Variants in SLC41A2 observed in about 807,000 individuals in gnomAD.
SLC41A2 encodes the protein SLC41A1-like 1.
SLC41A2 carries 32 observed loss-of-function variants against 58.3 expected under a neutral mutation model. The observed-to-expected ratio is 0.55, with a 90% CI of 0.41 to 0.74. SLC41A2 has a LOEUF of 0.74. Among genes scored for constraint, SLC41A2 ranks in the 30% least tolerant of loss-of-function variants. The pLI is 0.00. For synonymous variants in SLC41A2, 190 were observed against 235.0 expected (o/e 0.81, Z 1.75); for missense variants, 514 against 680.6 (o/e 0.76, Z 2.72).
intron 1 of SLC41A2, among the ~76,000 whole-genome samples, chr12:104,939,126 A>G (rs1384169156): frequency 1.3e-5 from 2 of 152,214 alleles, no homozygotes; most frequent in Non-Finnish European, 2.9e-5. Context: ...ATAGTTTACC[A>G]CTGGTTTATA....
intron 1 of SLC41A2, among the ~76,000 whole-genome samples, chr12:104,957,540 A>G (rs543469641): frequency 6.6e-6 from 1 of 152,360 alleles, no homozygotes; most frequent in Middle Eastern, 3.4e-3. Flanking sequence ...AATTGTCACT[A>G]CAAAAAAAAG....
intron 8 of SLC41A2, among the ~76,000 whole-genome samples, chr12:104,851,519 G>T (rs2042798801): frequency 6.6e-6 from 1 of 152,024 alleles, no homozygotes; most frequent in Non-Finnish European, 1.5e-5. Flanking sequence ...GCGTAGCTGG[G>T]ACTACAGGTA....
At chr12:104,807,896 G>C (rs1349586656) in intron 10 of SLC41A2, among the ~76,000 whole-genome samples, 1 of 152,138 alleles carries the variant, frequency 6.6e-6, no homozygotes, top group Non-Finnish European at 1.5e-5. Flanking sequence ...GAATGCTTGT[G>C]ATTTTTGCAC....
intron 6 of SLC41A2, among the ~76,000 whole-genome samples, chr12:104,882,680 A>G (rs1044775171): frequency 7.0e-4 from 107 of 152,340 alleles, no homozygotes; most frequent in African/African-American, 2.4e-3. Flanking sequence ...GTTTCTGCTG[A>G]GAGATCCACT....
chr12:104,814,005 T>A (rs1430232450), intron 10 of SLC41A2, among the ~76,000 whole-genome samples: 1 of 152,238 alleles, frequency 6.6e-6, no homozygotes, highest in Non-Finnish European at 1.5e-5. Context: ...TGTAACACAC[T>A]GTAAGGGTAT....
intron 10 of SLC41A2, among the ~76,000 whole-genome samples, chr12:104,832,734 A>G (rs924273391): frequency 2.0e-5 from 3 of 152,066 alleles, no homozygotes; most frequent in Non-Finnish European, 4.4e-5. Context: ...AGCAACTTAT[A>G]TCTAAGCTAA....
chr12:104,856,155 G>C (rs889048172), intron 8 of SLC41A2, among the ~76,000 whole-genome samples: 10 of 152,150 alleles, frequency 6.6e-5, no homozygotes, highest in African/African-American at 2.4e-4. Flanking sequence ...ATCTCTGGAT[G>C]AGACAATATT....
chr12:104,802,564 T>C lies in SLC41A2; in HGVS notation c.*2588A>G, dbSNP rs1166458944. ...AAAGGAGACAGAACTCTATCAGTCA[T>C]TGTATTTATTTACCAGCATTTATGG... is the stretch of plus-strand genomic sequence containing the variant. On this transcript the variant is annotated 3_prime_UTR_variant, in exon 11 of 11. Transcript: ENST00000258538. 6.6e-6 allele frequency: 1 copy of C among 152,122 alleles called. No individual in the cohort carries two copies. Among genetic ancestry groups the C allele is most frequent in the East Asian group, 1.9e-4 (1 of 5,158 alleles). 9.4% of individuals were successfully genotyped at this position (152,122 alleles called of 1,614,324 possible). A position where few individuals can be genotyped will look rare whatever the true frequency, so the allele number is the denominator to read the frequency against.
chr12:104,948,564 A>C (rs2047823042), intron 1 of SLC41A2, among the ~76,000 whole-genome samples: 1 of 152,216 alleles, frequency 6.6e-6, no homozygotes, highest in Non-Finnish European at 1.5e-5. Flanking sequence ...ACTGCATCTC[A>C]GAGAGGTTAA....
At chr12:104,858,252 T>C (rs2043088412) in intron 8 of SLC41A2, among the ~76,000 whole-genome samples, 1 of 152,144 alleles carries the variant, frequency 6.6e-6, no homozygotes, top group African/African-American at 2.4e-5. Context: ...AGATATGCCT[T>C]AAACAATGTA....
In SLC41A2 at chr12:104,857,346, G is replaced by C. The variant is rs559586091; in HGVS notation, c.1255+3945C>G. Among the ~76,000 whole-genome samples, 5 of 152,246 alleles carry C rather than the reference G, an allele frequency of 3.3e-5. No individual in the cohort carries two copies. In the East Asian group the frequency reaches 5.8e-4, roughly 18 times the overall value. On this transcript the variant is annotated intron_variant, in intron 8 of 10. Transcript: ENST00000258538. The stretch of plus-strand genomic sequence containing the variant: ...TCACGTTTATGTTAGCATGATAAAG[G>C]CTTTAAGAAATCCCGTAGTAGGATG...
intron 6 of SLC41A2, among the ~76,000 whole-genome samples, chr12:104,870,075 G>T (rs575907689): frequency 1.3e-5 from 2 of 152,138 alleles, no homozygotes; most frequent in Admixed American, 1.3e-4. Context: ...TACGGCAAAA[G>T]GGGCTTTGTA....
Position 104,884,831 on chromosome 12 carries a change from T to G in SLC41A2, c.1027+1462A>C, listed in dbSNP as rs572407553. 9.2e-5 allele frequency among the ~76,000 whole-genome samples: 14 copies of G among 152,348 alleles called. No homozygotes were observed. The South Asian group carries it at 2.7e-3, about 29-fold the overall frequency. ...GGGTCAGGACTACAAGTTATCCAAC[T>G]GTCTGGCTGAGAGTGTGTGGGTGAG... On this transcript the variant is annotated intron_variant, in intron 6 of 10. Coordinates refer to ENST00000258538, the MANE Select transcript of SLC41A2 (RefSeq NM_001352171.3).
chr12:104,861,309 AAAC>A lies in SLC41A2; in HGVS notation c.1234_1236del (p.Val412del). 1.2e-6 allele frequency: 2 copies of A among 1,612,680 alleles called. No homozygotes were observed. The highest frequency in any genetic ancestry group is 1.7e-6 in the Non-Finnish European group (2 of 1,178,840). On this transcript the variant is annotated inframe_deletion, in exon 8 of 11. Transcript: ENST00000258538. ...TTCTTACCATTAATAACTGGCGTGT[AAAC>A]AACAATCCCAACCAAGTTTGGGTCT...
intron 2 of SLC41A2, among the ~76,000 whole-genome samples, chr12:104,926,559 G>A (rs11112240): frequency 0.082 from 12,338 of 151,280 alleles, 559 homozygotes; most frequent in Middle Eastern, 0.11. Flanking sequence ...CTGCACTCCA[G>A]CCTGGGTGAC....
At chr12:104,850,180 G>A (rs2042747179) in intron 8 of SLC41A2, among the ~76,000 whole-genome samples, 1 of 152,084 alleles carries the variant, frequency 6.6e-6, no homozygotes, top group African/African-American at 2.4e-5. Context: ...CAAGTTACCT[G>A]GAAGCAAAAT....
chr12:104,902,434 G>A (rs1445385027), intron 3 of SLC41A2, among the ~76,000 whole-genome samples: 1 of 152,084 alleles, frequency 6.6e-6, no homozygotes, highest in African/African-American at 2.4e-5. Context: ...GAGTATAGCT[G>A]GAAATAAGAG....
chr12:104,887,993 G>A (rs2044757229), intron 5 of SLC41A2, among the ~76,000 whole-genome samples: 1 of 151,908 alleles, frequency 6.6e-6, no homozygotes, highest in South Asian at 2.1e-4. Context: ...TCAAATACTT[G>A]TTAGACTGAA....
Position 104,878,734 on chromosome 12 carries a change from C to G in SLC41A2, c.1027+7559G>C, listed in dbSNP as rs549099127. On this transcript the variant is annotated intron_variant, in intron 6 of 10. Coordinates refer to ENST00000258538, the MANE Select transcript of SLC41A2 (RefSeq NM_001352171.3). ...TCATTGTTGGACATTTGGCTTGGTT[C>G]CAAGTCTTTGCTATTGTGAAAAGCG... is the stretch of plus-strand genomic sequence containing the variant. 9.2e-5 allele frequency among the ~76,000 whole-genome samples: 14 copies of G among 152,244 alleles called. 1 individual carries two copies. The East Asian group carries it at 2.1e-3, about 23-fold the overall frequency.
Sources: allele counts gnomAD v4.1 joint callset (sites outside exome capture counted in the v4.1 genomes callset), GRCh38; gene constraint gnomAD v4.1.1; transcripts MANE v1.5; gene names NCBI Gene and HGNC (gene_info 2026-07-23, HGNC 2026-07-21).